The following ARHGAP26 variants were observed in gnomAD, a reference collection of about 807,000 sequenced individuals.
ARHGAP26 encodes the protein rho GTPase-activating protein 26.
Under a neutral mutation model 104.8 loss-of-function variants are expected in ARHGAP26, and 38 were observed. The ratio of observed to expected loss-of-function variants is 0.36; its 90% CI spans 0.28 to 0.48. The LOEUF is 0.48. Among genes scored for constraint, ARHGAP26 ranks in the 20% least tolerant of loss-of-function variants. The pLI, the probability that ARHGAP26 is intolerant of heterozygous loss-of-function variation, is 0.99. For synonymous variants in ARHGAP26, 341 were observed against 340.0 expected, an observed-to-expected ratio of 1.00 and a Z score of -0.03; for missense variants, 704 against 947.9, an observed-to-expected ratio of 0.74 and a Z score of 3.38.
chr5:143,020,978 AAAAATGC>A (rs1263503875), intron 12 of ARHGAP26, among the ~76,000 whole-genome samples: 3 of 152,194 alleles, frequency 2.0e-5, no homozygotes, highest in Non-Finnish European at 1.5e-5. Flanking sequence ...ATATTTGAAT[AAAAATGC>A]TGAAGAACCC....
chr5:142,809,246 C>T (rs2152007676), intron 1 of ARHGAP26, among the ~76,000 whole-genome samples: 1 of 151,990 alleles, frequency 6.6e-6, no homozygotes, highest in South Asian at 2.1e-4. Context: ...GTAATCTGTT[C>T]ATTGTAGAAT....
chr5:143,202,123 G>C (rs377608762), intron 20 of ARHGAP26: 11 of 152,218 alleles, frequency 7.2e-5, no homozygotes, highest in African/African-American at 2.4e-4. Flanking sequence ...ATATATTTAG[G>C]ATAGTTAGCT....
chr5:143,173,636 G>A (rs545754124), intron 20 of ARHGAP26, among the ~76,000 whole-genome samples: 4 of 152,246 alleles, frequency 2.6e-5, no homozygotes, highest in African/African-American at 9.6e-5. Context: ...TTTGCCGGTA[G>A]CAGCCTCAGA....
At chr5:143,159,185 T>C (rs1800884918) in intron 20 of ARHGAP26, among the ~76,000 whole-genome samples, 1 of 152,152 alleles carries the variant, frequency 6.6e-6, no homozygotes. Flanking sequence ...AGAAATGGAA[T>C]AAATGCCTTG....
intron 1 of ARHGAP26, among the ~76,000 whole-genome samples, chr5:142,783,475 C>T (rs991874728): frequency 6.6e-6 from 1 of 152,144 alleles, no homozygotes; most frequent in Admixed American, 6.5e-5. Context: ...AATTATGTTT[C>T]ACATTTTTTT....
chr5:143,161,729 T>A (rs1801262671), intron 20 of ARHGAP26, among the ~76,000 whole-genome samples: 1 of 152,244 alleles, frequency 6.6e-6, no homozygotes, highest in East Asian at 1.9e-4. Context: ...TTAGTAATTT[T>A]ATAATCCTTT....
intron 11 of ARHGAP26, among the ~76,000 whole-genome samples, chr5:142,949,568 T>G (rs1269795963): frequency 6.6e-6 from 1 of 152,132 alleles, no homozygotes; most frequent in Non-Finnish European, 1.5e-5. Flanking sequence ...TTTCTTTGGC[T>G]CAAGACTTTT....
At chr5:143,131,343 G>A (rs1297214423) in intron 18 of ARHGAP26, among the ~76,000 whole-genome samples, 1 of 152,088 alleles carries the variant, frequency 6.6e-6, no homozygotes, top group Non-Finnish European at 1.5e-5. Flanking sequence ...TGAAGTCCAT[G>A]TTATTTTTGC....
intron 17 of ARHGAP26, among the ~76,000 whole-genome samples, chr5:143,108,758 G>T (rs139921203): frequency 3.2e-4 from 49 of 152,314 alleles, no homozygotes; most frequent in African/African-American, 1.1e-3. Context: ...TTATCAGTCT[G>T]TCCATCTCTC....
At chr5:143,074,321 G>T (rs867298712) in intron 17 of ARHGAP26, among the ~76,000 whole-genome samples, 1 of 151,972 alleles carries the variant, frequency 6.6e-6, no homozygotes, top group Non-Finnish European at 1.5e-5. Flanking sequence ...CTGACTTTTC[G>T]TCCATTATAG....
chr5:143,015,239 A>G (rs997018209), intron 12 of ARHGAP26, among the ~76,000 whole-genome samples: 2 of 152,192 alleles, frequency 1.3e-5, no homozygotes, highest in African/African-American at 4.8e-5. Flanking sequence ...CCCACCCTTA[A>G]TTAGGTAAGA....
intron 11 of ARHGAP26, among the ~76,000 whole-genome samples, chr5:142,977,419 A>T (rs1319490289): frequency 6.7e-6 from 1 of 149,230 alleles, no homozygotes; most frequent in Non-Finnish European, 1.5e-5. Context: ...TAACCTTATT[A>T]AAAAAAAAAC....
intron 21 of ARHGAP26, among the ~76,000 whole-genome samples, chr5:143,210,788 C>T (rs1433007314): frequency 6.6e-6 from 1 of 152,194 alleles, no homozygotes; most frequent in Non-Finnish European, 1.5e-5. Flanking sequence ...CCTGTGAGTG[C>T]TTTCCAGGCC....
At chr5:143,039,554 AG>A (rs1783146620) in intron 13 of ARHGAP26, among the ~76,000 whole-genome samples, 1 of 151,998 alleles carries the variant, frequency 6.6e-6, no homozygotes, top group African/African-American at 2.4e-5. Context: ...TTAAAAGAAA[AG>A]ACCGAGAATA....
chr5:143,002,568 C>T (rs970747207), intron 11 of ARHGAP26, among the ~76,000 whole-genome samples: 3 of 152,278 alleles, frequency 2.0e-5, no homozygotes, highest in Non-Finnish European at 2.9e-5. Flanking sequence ...GTGCTAGAGC[C>T]GTAAGACTCC....
chr5:142,791,415 G>A (rs1293901083), intron 1 of ARHGAP26, among the ~76,000 whole-genome samples: 1 of 152,104 alleles, frequency 6.6e-6, no homozygotes, highest in Non-Finnish European at 1.5e-5. Context: ...ATCAGGTAGG[G>A]GAAAGGGGAG....
At chr5:142,992,875 G>A (rs1024209651) in intron 11 of ARHGAP26, among the ~76,000 whole-genome samples, 1 of 152,236 alleles carries the variant, frequency 6.6e-6, no homozygotes, top group South Asian at 2.1e-4. Context: ...CCTTCTTGGG[G>A]TGAGCACAAC....
At chr5:142,797,564 G>A (rs990447795) in intron 1 of ARHGAP26, among the ~76,000 whole-genome samples, 7 of 152,170 alleles carry the variant, frequency 4.6e-5, no homozygotes, top group African/African-American at 9.7e-5. Context: ...CTCACCCTAC[G>A]TGGTTGCTTT....
At chr5:142,840,996 A>G (rs1315732528) in intron 1 of ARHGAP26, among the ~76,000 whole-genome samples, 2 of 152,220 alleles carry the variant, frequency 1.3e-5, no homozygotes, top group African/African-American at 4.8e-5. Flanking sequence ...TCATAAGTTC[A>G]TGAAAACTGG....
Sources: gnomAD v4.1 joint callset for allele counts (sites outside exome capture counted in the v4.1 genomes callset) on GRCh38, gnomAD v4.1.1 for gene constraint, MANE v1.5 for transcripts, NCBI Gene and HGNC (gene_info 2026-07-23, HGNC 2026-07-21) for gene names.